The following MTA3 variants were observed in gnomAD, a reference collection of about 807,000 sequenced individuals.
MTA3 encodes metastasis associated 1 family member 3, also known as metastasis-associated protein MTA3.
Under a neutral mutation model 83.5 loss-of-function variants are expected in MTA3, and 34 were observed. That is an observed-to-expected ratio of 0.41 (90% CI 0.31 to 0.54). The LOEUF is 0.54. Ranked by LOEUF, MTA3 falls within the 20% of genes least tolerant of loss-of-function variation. The pLI is 0.33. For synonymous variants in MTA3, 303 were observed against 252.7 expected (o/e 1.20, Z -1.89); for missense variants, 761 against 726.4 (o/e 1.05, Z -0.55).
At chr2:42,524,805 G>A (rs1409778368) in intron 2 of MTA3, among the ~76,000 whole-genome samples, 5 of 141,576 alleles carry the variant, frequency 3.5e-5, no homozygotes, top group Admixed American at 2.2e-4. Context: ...TGGTGGAAGA[G>A]AACAAAAACC....
At chr2:42,740,505 C>CAATG (rs1421243738) in intron 16 of MTA3, among the ~76,000 whole-genome samples, 1 of 152,158 alleles carries the variant, frequency 6.6e-6, no homozygotes, top group South Asian at 2.1e-4. Flanking sequence ...ACCCTGTCTC[C>CAATG]AATGAATGAA....
At chr2:42,603,880 A>G (rs1558485321) in intron 3 of MTA3, among the ~76,000 whole-genome samples, 1 of 151,544 alleles carries the variant, frequency 6.6e-6, no homozygotes, top group Admixed American at 6.6e-5. Context: ...CCTCCCCACT[A>G]CCTGGGACTA....
intron 2 of MTA3, among the ~76,000 whole-genome samples, chr2:42,534,865 C>T (rs931381016): frequency 5.3e-5 from 8 of 151,956 alleles, no homozygotes; most frequent in African/African-American, 1.7e-4. Flanking sequence ...TCAAGTGATC[C>T]GCTAGCCTTG....
At chr2:42,665,600 C>G (rs964089948) in intron 8 of MTA3, among the ~76,000 whole-genome samples, 5 of 152,142 alleles carry the variant, frequency 3.3e-5, no homozygotes, top group African/African-American at 1.2e-4. Context: ...GCTTGAAGAA[C>G]AGAATGTCAT....
At chr2:42,605,786 G>A (rs1334190630) in intron 3 of MTA3, among the ~76,000 whole-genome samples, 3 of 127,914 alleles carry the variant, frequency 2.3e-5, no homozygotes, top group Non-Finnish European at 5.1e-5. Flanking sequence ...CAGAAGGGGC[G>A]GCCGGGCAGA....
At chr2:42,656,160 T>A in intron 6 of MTA3, 40 bp from the exon 7 acceptor site, 2 of 1,455,102 alleles carry the variant, frequency 1.4e-6, no homozygotes, top group Non-Finnish European at 1.9e-6. Context: ...ACAGTATGCC[T>A]TGTCAGTAAC....
Position 42,704,175 on chromosome 2 carries a change from A to G in MTA3, c.1026-19A>G. The G allele has an allele frequency of 6.2e-7, 1 of 1,611,846 alleles. No individual in the cohort carries two copies. Among genetic ancestry groups the G allele is most frequent in the South Asian group, 1.1e-5 (1 of 90,812 alleles). ...ATTGTACAAATCATTTTATCACCTT[A>G]TTTTAATTTCATTGAAAGCAGCAAA... is the stretch of plus-strand genomic sequence containing the variant. On this transcript the variant is annotated intron_variant, in intron 11 of 16. Transcript: ENST00000405094.
intron 4 of MTA3, among the ~76,000 whole-genome samples, chr2:42,623,928 G>A (rs1685828516): frequency 6.6e-6 from 1 of 152,012 alleles, no homozygotes; most frequent in African/African-American, 2.4e-5. Flanking sequence ...CTGACCTTAG[G>A]TGTGATCCAC....
chr2:42,553,074 T>G (rs1677194575), intron 2 of MTA3, among the ~76,000 whole-genome samples: 1 of 151,914 alleles, frequency 6.6e-6, no homozygotes, highest in African/African-American at 2.4e-5. Flanking sequence ...GCCAGGAGTT[T>G]GAGATCAGCC....
chr2:42,703,746 C>G lies in MTA3; in HGVS notation c.1026-448C>G, dbSNP rs578158068. The G allele has an allele frequency of 1.5e-4, 24 of 155,898 alleles. 1 individual carries two copies. The highest frequency in any genetic ancestry group is 1.1e-3 in the Admixed American group (17 of 15,566). 9.7% of individuals were successfully genotyped at this position (155,898 alleles called of 1,614,324 possible). On this transcript the variant is annotated intron_variant, in intron 11 of 16. Coordinates refer to ENST00000405094, the MANE Select transcript of MTA3 (RefSeq NM_001330442.2). ...TCTACTAAAAATGCAAAAAGTTAGC[C>G]GGGCGTGGCGGCGGGCGCCTGTAAT...
chr2:42,627,740 T>C (rs2104235745), intron 4 of MTA3, among the ~76,000 whole-genome samples: 1 of 147,814 alleles, frequency 6.8e-6, no homozygotes, highest in East Asian at 2.0e-4. Flanking sequence ...TTTTTTTTTT[T>C]TTTTTTTTTG....
intron 16 of MTA3, 61 bp from the exon 17 acceptor site, chr2:42,753,313 T>G (rs994608102): frequency 3.6e-5 from 55 of 1,549,240 alleles, no homozygotes; most frequent in Non-Finnish European, 4.8e-5. Flanking sequence ...CATCCTCCCT[T>G]TCATCTTGCC....
chr2:42,597,375 C>CTTTTT (rs35943826), intron 3 of MTA3, among the ~76,000 whole-genome samples: 7 of 108,456 alleles, frequency 6.5e-5, no homozygotes, highest in South Asian at 3.1e-4. Context: ...GACAAGTTAT[C>CTTTTT]TTTTTTTTTT....
intron 3 of MTA3, among the ~76,000 whole-genome samples, chr2:42,594,728 A>ATATATATATATATATATATATTTT: frequency 1.7e-4 from 4 of 24,038 alleles, no homozygotes; most frequent in East Asian, 1.2e-3. Flanking sequence ...ATATATATAT[A>ATATATATATATATATATATATTTT]TTTTTTTTTT....
At chr2:42,582,389 G>A (rs1450933391) in intron 3 of MTA3, among the ~76,000 whole-genome samples, 1 of 152,144 alleles carries the variant, frequency 6.6e-6, no homozygotes, top group East Asian at 1.9e-4. Flanking sequence ...AGTTTATGTT[G>A]TAAATGGTGA....
intron 14 of MTA3, among the ~76,000 whole-genome samples, chr2:42,716,361 T>C (rs909090898): frequency 2.0e-5 from 3 of 152,218 alleles, no homozygotes; most frequent in Admixed American, 6.5e-5. Context: ...CAGGGGTACA[T>C]GTGCAGGTTT....
intron 2 of MTA3, among the ~76,000 whole-genome samples, chr2:42,501,601 C>G (rs1447054531): frequency 6.6e-6 from 1 of 152,178 alleles, no homozygotes; most frequent in African/African-American, 2.4e-5. Flanking sequence ...AAGTCAAACA[C>G]TGGCATCAGG....
At chr2:42,559,709 T>C (rs1417584902) in intron 2 of MTA3, among the ~76,000 whole-genome samples, 1 of 146,392 alleles carries the variant, frequency 6.8e-6, no homozygotes, top group African/African-American at 2.5e-5. Context: ...AGAAACCCCA[T>C]CTCTACTAAA....
chr2:42,710,412 G>A (rs1169008928), intron 14 of MTA3, among the ~76,000 whole-genome samples: 1 of 151,886 alleles, frequency 6.6e-6, no homozygotes, highest in African/African-American at 2.4e-5. Flanking sequence ...TTAGCCAGGC[G>A]TGGTGGCAGG....
Sources: allele counts gnomAD v4.1 joint callset (sites outside exome capture counted in the v4.1 genomes callset), GRCh38; gene constraint gnomAD v4.1.1; transcripts MANE v1.5; gene names NCBI Gene and HGNC (gene_info 2026-07-23, HGNC 2026-07-21).